The following PCDH9 variants were observed in gnomAD, a reference collection of about 807,000 sequenced individuals.
PCDH9 encodes protocadherin-9.
PCDH9 carries 24 observed loss-of-function variants against 70.6 expected under a neutral mutation model. The observed-to-expected ratio is 0.34, with a 90% confidence interval of 0.25 to 0.48. The LOEUF (loss-of-function observed/expected upper bound fraction) is 0.48, where lower values mean the gene tolerates loss of function less well. PCDH9 is among the 20% of genes least tolerant of loss of function. The pLI is 0.99. For missense variants in PCDH9, 1,281 were observed against 1,503.6 expected, an observed-to-expected ratio of 0.85 and a Z score of 2.45; for synonymous variants, 562 against 558.5, an observed-to-expected ratio of 1.01 and a Z score of -0.09.
intron 2 of PCDH9, among the ~76,000 whole-genome samples, chr13:67,071,856 T>TC (rs1365587886): frequency 7.8e-6 from 1 of 128,406 alleles, no homozygotes; most frequent in Non-Finnish European, 1.6e-5. Flanking sequence ...GCCATTGCAC[T>TC]CCAGCCTGGG....
chr13:67,208,625 C>T (rs1259741985), intron 2 of PCDH9: 1 of 151,950 alleles, frequency 6.6e-6, no homozygotes, highest in Non-Finnish European at 1.5e-5. Flanking sequence ...TTCTTTACTG[C>T]TATAAGTAAA....
At chr13:67,008,823 G>A (rs2084400772) in intron 2 of PCDH9, among the ~76,000 whole-genome samples, 1 of 151,938 alleles carries the variant, frequency 6.6e-6, no homozygotes, top group South Asian at 2.1e-4. Flanking sequence ...TTCTAATCTA[G>A]CCAATTCTGA....
intron 4 of PCDH9, among the ~76,000 whole-genome samples, chr13:66,445,136 T>C (rs1041038002): frequency 6.8e-6 from 1 of 147,160 alleles, no homozygotes; most frequent in Non-Finnish European, 1.5e-5. Context: ...TTATATAAAA[T>C]ATATTACATA....
chr13:67,187,325 C>T (rs1472351900), intron 2 of PCDH9, among the ~76,000 whole-genome samples: 1 of 152,134 alleles, frequency 6.6e-6, no homozygotes, highest in Non-Finnish European at 1.5e-5. Flanking sequence ...CTTGTTGAAC[C>T]TCTAGGGATA....
At chr13:66,866,459 G>C (rs1236772941) in intron 3 of PCDH9, among the ~76,000 whole-genome samples, 1 of 151,358 alleles carries the variant, frequency 6.6e-6, no homozygotes, top group Non-Finnish European at 1.5e-5. Context: ...TCCAGCCTGG[G>C]GGACAGAGCG....
At chr13:66,686,825 G>A (rs2078410195) in intron 3 of PCDH9, among the ~76,000 whole-genome samples, 1 of 151,948 alleles carries the variant, frequency 6.6e-6, no homozygotes, top group South Asian at 2.1e-4. Context: ...GCAGGGCACA[G>A]GACTAGAAAA....
At chr13:66,431,885 A>C (rs563763059) in intron 4 of PCDH9, among the ~76,000 whole-genome samples, 33 of 152,096 alleles carry the variant, frequency 2.2e-4, no homozygotes, top group African/African-American at 7.9e-4. Flanking sequence ...AGACTATTGG[A>C]AAAAGACAAG....
chr13:66,378,881 A>T (rs1041063435), intron 4 of PCDH9, among the ~76,000 whole-genome samples: 1 of 151,870 alleles, frequency 6.6e-6, no homozygotes, highest in Non-Finnish European at 1.5e-5. Flanking sequence ...AGGTCATTCA[A>T]TTCTGTGAAC....
At chr13:67,224,975 T>C in intron 2 of PCDH9, 3 of 1,016,442 alleles carry the variant, frequency 3.0e-6, no homozygotes, top group Non-Finnish European at 3.5e-6. Context: ...TGCAACATAA[T>C]TGCAGTCACA....
At chr13:66,622,118 G>A (rs2077430055) in intron 4 of PCDH9, among the ~76,000 whole-genome samples, 2 of 152,218 alleles carry the variant, frequency 1.3e-5, no homozygotes, top group Non-Finnish European at 2.9e-5. Flanking sequence ...TGTGTACTGG[G>A]TCCCCCAGCA....
At chr13:66,877,440 T>C (rs1432980207) in intron 3 of PCDH9, among the ~76,000 whole-genome samples, 1 of 151,740 alleles carries the variant, frequency 6.6e-6, no homozygotes, top group Non-Finnish European at 1.5e-5. Context: ...GTTCCCAAAG[T>C]GCTTTTAAAT....
chr13:66,851,509 T>C (rs1441378801), intron 3 of PCDH9, among the ~76,000 whole-genome samples: 4 of 152,078 alleles, frequency 2.6e-5, no homozygotes, highest in Non-Finnish European at 4.4e-5. Context: ...TATTGTTTCA[T>C]CTCTAGGAGT....
At chr13:66,980,821 TAAAC>T (rs2083747180) in intron 2 of PCDH9, among the ~76,000 whole-genome samples, 1 of 141,992 alleles carries the variant, frequency 7.0e-6, no homozygotes, top group Non-Finnish European at 1.5e-5. Context: ...ATTTGTCAAA[TAAAC>T]AAATATCCTA....
intron 4 of PCDH9, among the ~76,000 whole-genome samples, chr13:66,341,150 G>T (rs1956117125): frequency 6.6e-6 from 1 of 151,816 alleles, no homozygotes; most frequent in Admixed American, 6.6e-5. Context: ...TTGAGACACA[G>T]TCTCACTCAT....
intron 2 of PCDH9, among the ~76,000 whole-genome samples, chr13:67,198,605 C>T (rs2138044418): frequency 6.6e-6 from 1 of 151,998 alleles, no homozygotes; most frequent in East Asian, 1.9e-4. Flanking sequence ...ACAAAACACA[C>T]ATACCATAAC....
chr13:67,194,299 A>G (rs1417684429), intron 2 of PCDH9, among the ~76,000 whole-genome samples: 2 of 152,114 alleles, frequency 1.3e-5, no homozygotes, highest in Non-Finnish European at 2.9e-5. Flanking sequence ...ATTGTCTCCA[A>G]ATAAAACCAT....
intron 3 of PCDH9, among the ~76,000 whole-genome samples, chr13:66,725,382 A>G (rs2078993178): frequency 6.6e-6 from 1 of 152,220 alleles, no homozygotes; most frequent in African/African-American, 2.4e-5. Flanking sequence ...GACCACAGCC[A>G]GAATGATCTT....
At chr13:66,474,383 C>G (rs1958679533) in intron 4 of PCDH9, among the ~76,000 whole-genome samples, 1 of 152,158 alleles carries the variant, frequency 6.6e-6, no homozygotes, top group African/African-American at 2.4e-5. Context: ...TTCACTTCTT[C>G]TATCTAACGT....
intron 3 of PCDH9, among the ~76,000 whole-genome samples, chr13:66,653,946 C>T (rs538864403): frequency 6.3e-5 from 8 of 127,486 alleles, no homozygotes; most frequent in East Asian, 2.3e-4. Context: ...CCAGCCTGGG[C>T]GACAAAGCGA....
Sources: allele counts gnomAD v4.1 joint callset (sites outside exome capture counted in the v4.1 genomes callset), GRCh38; gene constraint gnomAD v4.1.1; transcripts MANE v1.5; gene names NCBI Gene and HGNC (gene_info 2026-07-23, HGNC 2026-07-21).